The following ASRGL1 variants were observed in gnomAD, a reference collection of about 807,000 sequenced individuals.
The protein encoded by ASRGL1 is asparaginase and isoaspartyl peptidase 1.
In ASRGL1, 16 loss-of-function variants were observed where a neutral mutation model predicts 22.4. That is an observed-to-expected ratio of 0.71 (90% CI 0.48 to 1.08). The LOEUF (loss-of-function observed/expected upper bound fraction) is 1.08, where lower values mean the gene tolerates loss of function less well. Among genes scored for constraint, ASRGL1 ranks in the 50% least tolerant of loss-of-function variants. The pLI, the probability that ASRGL1 is intolerant of heterozygous loss-of-function variation, is 0.00. For synonymous variants in ASRGL1, 165 were observed against 159.3 expected (o/e 1.04, Z -0.27); for missense variants, 412 against 410.1 (o/e 1.00, Z -0.04).
chr11:62,362,686 A>G (rs1315617742), intron 4 of ASRGL1, among the ~76,000 whole-genome samples: 1 of 30,862 alleles, frequency 3.2e-5, no homozygotes, highest in East Asian at 5.6e-4. Flanking sequence ...ATTATATAAA[A>G]TATATATTAT....
chr11:62,342,401 G>A (rs909387875), intron 2 of ASRGL1, among the ~76,000 whole-genome samples: 7 of 152,144 alleles, frequency 4.6e-5, no homozygotes, highest in Middle Eastern at 3.2e-3. Flanking sequence ...TGTTAGCACA[G>A]GTCTTTGAAT....
At chr11:62,337,710 C>T in intron 1 of ASRGL1, 136 bp downstream of exon 1, 1 of 374,410 alleles carries the variant, frequency 2.7e-6, no homozygotes, top group Non-Finnish European at 4.7e-6. Flanking sequence ...CGGCGGTGGG[C>T]GCGGGTTAAC....
At chr11:62,379,917 A>T (rs1264434143) in intron 4 of ASRGL1, among the ~76,000 whole-genome samples, 1 of 150,164 alleles carries the variant, frequency 6.7e-6, no homozygotes, top group South Asian at 2.1e-4. Flanking sequence ...TTAGAATTTG[A>T]TAGAATTCTA....
intron 4 of ASRGL1, among the ~76,000 whole-genome samples, chr11:62,375,470 A>ATC (rs1946899477): frequency 1.2e-5 from 1 of 85,956 alleles, no homozygotes; most frequent in African/African-American, 3.9e-5. Context: ...ATATATATAT[A>ATC]TATATATATA....
At chr11:62,343,496 G>A (rs899248069) in intron 2 of ASRGL1, among the ~76,000 whole-genome samples, 25 of 151,366 alleles carry the variant, frequency 1.7e-4, no homozygotes, top group Non-Finnish European at 3.7e-4. Context: ...TTGGGAGGCC[G>A]ACATGGGTGG....
intron 4 of ASRGL1, among the ~76,000 whole-genome samples, chr11:62,386,294 G>T (rs924072611): frequency 1.3e-5 from 2 of 152,162 alleles, no homozygotes; most frequent in African/African-American, 4.8e-5. Flanking sequence ...TTCACTTTCT[G>T]TGCTTTCAGT....
intron 2 of ASRGL1, among the ~76,000 whole-genome samples, chr11:62,341,908 C>T (rs1169907566): frequency 6.6e-6 from 1 of 152,118 alleles, no homozygotes; most frequent in Non-Finnish European, 1.5e-5. Flanking sequence ...TCCAGGATGT[C>T]GTATGTTTGA....
intron 2 of ASRGL1, among the ~76,000 whole-genome samples, chr11:62,348,960 G>T (rs191756451): frequency 0.021 from 2,827 of 136,516 alleles, 44 homozygotes; most frequent in Middle Eastern, 0.032. Context: ...AACTTTTTTG[G>T]TTTTTTGTGG....
chr11:62,362,325 A>T (rs1392510052), intron 4 of ASRGL1, among the ~76,000 whole-genome samples: 1 of 150,430 alleles, frequency 6.6e-6, no homozygotes, highest in African/African-American at 2.4e-5. Context: ...GATAAGAAGA[A>T]TTCAGCAAAA....
At chr11:62,354,647 G>T (rs1272585880) in intron 2 of ASRGL1, among the ~76,000 whole-genome samples, 1 of 152,088 alleles carries the variant, frequency 6.6e-6, no homozygotes, top group Non-Finnish European at 1.5e-5. Context: ...TATACAGTGT[G>T]GATATGCTGG....
intron 2 of ASRGL1, among the ~76,000 whole-genome samples, chr11:62,343,479 C>T (rs1311314703): frequency 6.6e-6 from 1 of 151,568 alleles, no homozygotes. Flanking sequence ...CCTGTAATCC[C>T]AGCACTTTGG....
In ASRGL1 at chr11:62,389,139, G is replaced by A. The variant is rs372968894; in HGVS notation, c.498G>A (p.Leu166=). 28 of 1,607,510 alleles carry A rather than the reference G, an allele frequency of 1.7e-5. No individual in the cohort carries two copies. Among genetic ancestry groups the A allele is most frequent in the Non-Finnish European group, 2.2e-5 (26 of 1,174,970 alleles). The change falls in exon 5 of 7, where the codon TTG becomes TTA. Residue 166 remains leucine, a synonymous_variant. Transcript: ENST00000415229. ...GAQKTDCQKN[L]GTVGAVALDC... ...TTCTGTTTATTTTTGGCAGAAACTTGGGAACCGTGGGTGCTGTTGCCTTGG... is the reference window on the plus strand; with the variant it reads ...TTCTGTTTATTTTTGGCAGAAACTTAGGAACCGTGGGTGCTGTTGCCTTGG...
chr11:62,362,247 T>C (rs1257973328), intron 4 of ASRGL1, among the ~76,000 whole-genome samples: 1 of 151,554 alleles, frequency 6.6e-6, no homozygotes, highest in Non-Finnish European at 1.5e-5. Context: ...TATTTCACCC[T>C]ATAACAAGTC....
At chr11:62,400,441 G>T in the ASRGL1 span, among the ~76,000 whole-genome samples, 119 of 152,284 alleles carry the variant, frequency 7.8e-4, no homozygotes, top group Non-Finnish European at 1.6e-3. Context: ...CCAGCCAGCA[G>T]CTTCTGAAAT....
intron 2 of ASRGL1, among the ~76,000 whole-genome samples, chr11:62,343,119 T>C (rs1945908736): frequency 6.6e-6 from 1 of 151,986 alleles, no homozygotes; most frequent in Admixed American, 6.6e-5. Flanking sequence ...GGCTCACTCC[T>C]ATAATCCCAG....
intron 4 of ASRGL1, among the ~76,000 whole-genome samples, chr11:62,364,158 C>CAAAAAA (rs71053048): frequency 1.1e-5 from 1 of 93,502 alleles, no homozygotes; most frequent in African/African-American, 4.5e-5. Context: ...GAGTCCGTCT[C>CAAAAAA]AAAAAAAAAA....
In ASRGL1 at chr11:62,344,478, G is replaced by T. The variant is rs73494037; in HGVS notation, c.190+6311G>T. 2.7e-3 allele frequency among the ~76,000 whole-genome samples: 412 copies of T among 151,832 alleles called. 2 individuals carry two copies. Among genetic ancestry groups the T allele is most frequent in the African/African-American group, 9.1e-3 (375 of 41,422 alleles). On this transcript the variant is annotated intron_variant, in intron 2 of 6. Coordinates refer to ENST00000415229, the MANE Select transcript of ASRGL1 (RefSeq NM_001083926.2). ...CTTTTTGTGTTGTATCTTAATATTT[G>T]CCTAACCCAGCATTGCAAACATTTT...
At chr11:62,341,944 GAAAT>G (rs1468483160) in intron 2 of ASRGL1, among the ~76,000 whole-genome samples, 26 of 152,270 alleles carry the variant, frequency 1.7e-4, no homozygotes, top group African/African-American at 6.3e-4. Flanking sequence ...GTGCTGTAAA[GAAAT>G]AGTATTCGAA....
chr11:62,398,591 T>A, the ASRGL1 span, among the ~76,000 whole-genome samples: 1 of 152,192 alleles, frequency 6.6e-6, no homozygotes, highest in African/African-American at 2.4e-5. Context: ...AAGTATTTCA[T>A]CTTTTTTAAA....
Sources: gnomAD v4.1 joint callset for allele counts (sites outside exome capture counted in the v4.1 genomes callset) on GRCh38, gnomAD v4.1.1 for gene constraint, MANE v1.5 for transcripts, NCBI Gene and HGNC (gene_info 2026-07-23, HGNC 2026-07-21) for gene names.